Variants in CIB4 observed in about 807,000 individuals in gnomAD.
CIB4 encodes the protein calcium and integrin binding family member 4, also known as calcium and integrin-binding family member 4.
In CIB4, 25 loss-of-function variants were observed where a neutral mutation model predicts 25.8. The observed-to-expected ratio is 0.97, with a 90% CI of 0.71 to 1.35. CIB4 has a LOEUF of 1.35. Among genes scored for constraint, CIB4 ranks in the 40% most tolerant of loss-of-function variants. The pLI is 0.00. For synonymous variants in CIB4, 75 were observed against 81.4 expected (o/e 0.92, Z 0.42); for missense variants, 235 against 228.2 (o/e 1.03, Z -0.19).
chr2:26,587,949 C>T (rs1311123743), intron 4 of CIB4, among the ~76,000 whole-genome samples: 1 of 152,234 alleles, frequency 6.6e-6, no homozygotes, highest in Non-Finnish European at 1.5e-5. Context: ...GTCTCTGTTC[C>T]CCATGGCAGG....
intron 3 of CIB4, among the ~76,000 whole-genome samples, chr2:26,617,120 ATGTG>A (rs3220777): frequency 1.5e-4 from 21 of 137,792 alleles, no homozygotes; most frequent in Admixed American, 1.1e-3. Flanking sequence ...AGAGCATGGA[ATGTG>A]TGTGTGTGTG....
intron 3 of CIB4, among the ~76,000 whole-genome samples, chr2:26,628,362 A>G (rs563605280): frequency 3.4e-4 from 51 of 152,148 alleles, no homozygotes; most frequent in African/African-American, 1.2e-3. Flanking sequence ...TAGAGTGCAC[A>G]TGGTCACTCC....
At chr2:26,599,098 CT>C (rs961592996) in intron 3 of CIB4, among the ~76,000 whole-genome samples, 1 of 152,202 alleles carries the variant, frequency 6.6e-6, no homozygotes, top group African/African-American at 2.4e-5. Context: ...AAATTTCACA[CT>C]TTTTTAGAAG....
intron 3 of CIB4, among the ~76,000 whole-genome samples, chr2:26,595,760 T>C (rs1460327960): frequency 2.0e-5 from 3 of 152,226 alleles, no homozygotes; most frequent in Admixed American, 6.5e-5. Context: ...CCCAAGCGCA[T>C]AGCCAGCCAG....
chr2:26,621,815 A>T (rs1669209424), intron 3 of CIB4, among the ~76,000 whole-genome samples: 1 of 152,154 alleles, frequency 6.6e-6, no homozygotes, highest in Non-Finnish European at 1.5e-5. Context: ...CTGGTTAGAG[A>T]ATGTTAGAAG....
intron 2 of CIB4, among the ~76,000 whole-genome samples, chr2:26,630,253 C>G (rs879261945): frequency 5.9e-5 from 9 of 152,138 alleles, no homozygotes; most frequent in Non-Finnish European, 1.3e-4. Context: ...CATTGCCTGT[C>G]TCTCTCACCC....
At chr2:26,633,897 C>G (rs1294330757) in intron 2 of CIB4, among the ~76,000 whole-genome samples, 2 of 152,184 alleles carry the variant, frequency 1.3e-5, no homozygotes, top group African/African-American at 4.8e-5. Context: ...TCTCGGGCCT[C>G]AGTTTCCCTT....
chr2:26,591,918 T>C (rs1558556764), intron 4 of CIB4, among the ~76,000 whole-genome samples: 1 of 152,226 alleles, frequency 6.6e-6, no homozygotes, highest in Non-Finnish European at 1.5e-5. Context: ...GGCAAGCTCA[T>C]GAGCAGATTC....
chr2:26,586,953 A>G (rs1327753033), intron 4 of CIB4, among the ~76,000 whole-genome samples: 1 of 152,168 alleles, frequency 6.6e-6, no homozygotes, highest in African/African-American at 2.4e-5. Context: ...GGATAAAGCG[A>G]CAAGACAGGA....
At chr2:26,603,995 C>G (rs1668842044) in intron 3 of CIB4, among the ~76,000 whole-genome samples, 1 of 135,806 alleles carries the variant, frequency 7.4e-6, no homozygotes, top group South Asian at 2.3e-4. Flanking sequence ...AGAGCAAGAG[C>G]ATACCTTAAA....
At chr2:26,588,968 CCGCTTCTTCT>C (rs879624724) in intron 4 of CIB4, among the ~76,000 whole-genome samples, 28,027 of 72,254 alleles carry the variant, frequency 0.39, 7,206 homozygotes, top group Middle Eastern at 0.49. Context: ...GCCGCTGCTG[CCGCTTCTTCT>C]TTCTTCTTCT....
At chr2:26,582,475 C>T (rs575907271) in intron 6 of CIB4, among the ~76,000 whole-genome samples, 3 of 152,288 alleles carry the variant, frequency 2.0e-5, no homozygotes, top group Admixed American at 2.0e-4. Flanking sequence ...CCCTGTAAAC[C>T]CCTACCTCCC....
chr2:26,628,616 T>C (rs1018575187), intron 3 of CIB4, among the ~76,000 whole-genome samples: 3 of 152,068 alleles, frequency 2.0e-5, no homozygotes, highest in South Asian at 2.1e-4. Context: ...TGAGGGCGAG[T>C]TGAGGAGAGA....
At chr2:26,599,934 A>AGGCG (rs1471610470) in intron 3 of CIB4, among the ~76,000 whole-genome samples, 6,811 of 130,484 alleles carry the variant, frequency 0.052, 286 homozygotes, top group African/African-American at 0.089. Flanking sequence ...TTAGCTGGAC[A>AGGCG]TGGTGGCGTG....
At chr2:26,590,258 TAAAAAAAAA>T (rs869097756) in intron 4 of CIB4, among the ~76,000 whole-genome samples, 28 of 61,824 alleles carry the variant, frequency 4.5e-4, no homozygotes, top group South Asian at 1.8e-3. Flanking sequence ...CAAGCATCTG[TAAAAAAAAA>T]AAAAAAAAAA....
At chr2:26,609,694 A>T (rs1282066791) in intron 3 of CIB4, among the ~76,000 whole-genome samples, 1 of 152,106 alleles carries the variant, frequency 6.6e-6, no homozygotes, top group African/African-American at 2.4e-5. Context: ...TCAGGGCGGG[A>T]AGGTCCCAGG....
intron 3 of CIB4, among the ~76,000 whole-genome samples, chr2:26,619,003 T>C (rs1669150178): frequency 6.6e-6 from 1 of 152,148 alleles, no homozygotes; most frequent in Non-Finnish European, 1.5e-5. Context: ...CTGGTGAGTC[T>C]CCTGTTCTTT....
Position 26,595,312 on chromosome 2 carries a change from G to T in CIB4, c.192C>A (p.Asn64Lys). Residue 64 changes from asparagine (N) to lysine (K), a missense_variant, in exon 4 of 7, where the codon AAC becomes AAA. By Grantham distance (94) the Asn-to-Lys change is moderately conservative (BLOSUM62 0). Transcript: ENST00000288861. ...QVSSLPALRVNPFRDRICRVF... is the reference protein window; with the variant it reads ...QVSSLPALRVKPFRDRICRVF... ...CTCTGCAGATACGGTCTCTGAAAGG[G>T]TTGACCTGTGGGCGACAGGAGGAGC... is the stretch of plus-strand genomic sequence containing the variant. 1 of 1,612,492 alleles carries T rather than the reference G, an allele frequency of 6.2e-7. No homozygotes were observed. The highest frequency in any genetic ancestry group is 2.2e-5 in the East Asian group (1 of 44,834).
Position 26,603,447 on chromosome 2 carries a change from C to T in CIB4, c.187-8130G>A, listed in dbSNP as rs577315265. On this transcript the variant is annotated intron_variant, in intron 3 of 6. Transcript: ENST00000288861. ...ATAATAGGTATACAGGTCCTGTATA[C>T]CTTTCACCCAGCTTTCCCTGATGTG... Among the ~76,000 whole-genome samples the T allele has an allele frequency of 1.1e-4, 16 of 152,190 alleles. No individual in the cohort carries two copies. The South Asian group carries it at 3.3e-3, about 32-fold the overall frequency.
Sources: allele counts gnomAD v4.1 joint callset (sites outside exome capture counted in the v4.1 genomes callset), GRCh38; gene constraint gnomAD v4.1.1; transcripts MANE v1.5; gene names NCBI Gene and HGNC (gene_info 2026-07-23, HGNC 2026-07-21).